The following CTPS2 variants were observed in gnomAD, a reference collection of about 807,000 sequenced individuals.
The protein encoded by CTPS2 is CTP synthase II.
CTPS2 carries 19 observed loss-of-function variants against 46.8 expected under a neutral mutation model. The observed-to-expected ratio is 0.41, with a 90% CI of 0.28 to 0.60. The LOEUF (loss-of-function observed/expected upper bound fraction) is 0.60. CTPS2 is among the 20% of genes least tolerant of loss of function. The pLI is 0.35. For synonymous variants in CTPS2, 151 were observed against 165.2 expected (o/e 0.91, Z 0.66); for missense variants, 286 against 447.6 (o/e 0.64, Z 3.26).
chrX:16,696,954 C>T (rs751005566), intron 4 of CTPS2, among the ~76,000 whole-genome samples: 49 of 110,727 alleles, frequency 4.4e-4, no homozygotes, highest in Admixed American at 3.9e-3. Flanking sequence ...CAAATGAGGA[C>T]GTTGAAACTG....
At chrX:16,593,043 T>A (rs1928995076) in intron 17 of CTPS2, among the ~76,000 whole-genome samples, 1 of 111,586 alleles carries the variant, frequency 9.0e-6, no homozygotes, top group Non-Finnish European at 1.9e-5. Context: ...ACTAGAGTTC[T>A]ACTGATCTAT....
At chrX:16,652,053 A>G (rs2147265566) in intron 13 of CTPS2, among the ~76,000 whole-genome samples, 1 of 111,176 alleles carries the variant, frequency 9.0e-6, no homozygotes, top group East Asian at 2.8e-4. Flanking sequence ...TACCAAGGAA[A>G]TATCCAGGAT....
intron 9 of CTPS2, 122 bp from the exon 10 acceptor site, chrX:16,678,572 G>A (rs1002665684): frequency 4.3e-6 from 2 of 465,986 alleles, no homozygotes; most frequent in Non-Finnish European, 3.7e-6. Flanking sequence ...ACTGTACTGG[G>A]CACTAGGGAT....
intron 14 of CTPS2, among the ~76,000 whole-genome samples, chrX:16,627,572 C>G (rs1419910598): frequency 9.0e-6 from 1 of 111,473 alleles, no homozygotes; most frequent in Non-Finnish European, 1.9e-5. Flanking sequence ...GCCACAGTCC[C>G]TACCACTCCT....
chrX:16,678,992 G>C lies in CTPS2; in HGVS notation c.1006-542C>G, dbSNP rs746516380. Among the ~76,000 whole-genome samples the C allele has an allele frequency of 9.9e-5, 11 of 111,368 alleles. No individual in the cohort carries two copies. The East Asian group carries it at 3.1e-3, about 31-fold the overall frequency. ...ATGTTCAAGAAGCCAGCCGAGAGGA[G>C]AGCAGAAGCAAGATAAGCACGTGTG... On this transcript the variant is annotated intron_variant, in intron 9 of 18. Coordinates refer to ENST00000359276, the MANE Select transcript of CTPS2 (RefSeq NM_175859.3).
At chrX:16,708,720 C>T (rs985785227) in intron 1 of CTPS2, among the ~76,000 whole-genome samples, 4 of 111,467 alleles carry the variant, frequency 3.6e-5, no homozygotes, top group Non-Finnish European at 7.5e-5. Flanking sequence ...ATACCTTATT[C>T]TGGCACTGTT....
chrX:16,708,668 C>G (rs1925203197), intron 1 of CTPS2, among the ~76,000 whole-genome samples: 1 of 111,130 alleles, frequency 9.0e-6, no homozygotes, highest in Non-Finnish European at 1.9e-5. Context: ...TGGACTTCAC[C>G]TTTCCTGCAG....
At chrX:16,671,564 G>T (rs13440755) in intron 10 of CTPS2, among the ~76,000 whole-genome samples, 10,598 of 94,749 alleles carry the variant, frequency 0.11, 1,027 homozygotes, top group African/African-American at 0.29. Context: ...ACCCTGCCTG[G>T]AGTGCAGTGG....
At chrX:16,600,356 C>T (rs1273898471) in intron 17 of CTPS2, among the ~76,000 whole-genome samples, 1 of 111,943 alleles carries the variant, frequency 8.9e-6, no homozygotes, top group Non-Finnish European at 1.9e-5. Context: ...ATATTAAAAT[C>T]CGTTTCCTGT....
chrX:16,647,776 T>C (rs1461418673), intron 13 of CTPS2, among the ~76,000 whole-genome samples: 1 of 111,476 alleles, frequency 9.0e-6, no homozygotes, highest in African/African-American at 3.3e-5. Flanking sequence ...GTTATTAAAA[T>C]CATTTCTTCA....
chrX:16,595,325 T>C (rs1929176907), intron 17 of CTPS2, among the ~76,000 whole-genome samples: 1 of 111,783 alleles, frequency 8.9e-6, no homozygotes, highest in African/African-American at 3.3e-5. Context: ...AATTTATTTA[T>C]TTAAGATAGT....
intron 17 of CTPS2, among the ~76,000 whole-genome samples, chrX:16,598,436 C>G (rs1432690142): frequency 4.7e-5 from 5 of 107,169 alleles, no homozygotes; most frequent in African/African-American, 1.3e-4. Context: ...ACACCTCTAC[C>G]CAAATAAACT....
chrX:16,684,069 A>G (rs1000808386), intron 8 of CTPS2, among the ~76,000 whole-genome samples: 1 of 112,177 alleles, frequency 8.9e-6, no homozygotes, highest in Non-Finnish European at 1.9e-5. Context: ...CTGTTCAAAG[A>G]ACATGAAAAA....
intron 16 of CTPS2, among the ~76,000 whole-genome samples, chrX:16,612,912 T>C (rs1226500117): frequency 1.8e-5 from 2 of 111,929 alleles, no homozygotes; most frequent in African/African-American, 6.5e-5. Context: ...GTATGCAAAG[T>C]CCCTAGCAAG....
At chrX:16,682,247 G>A (rs1277759149) in intron 9 of CTPS2, among the ~76,000 whole-genome samples, 1 of 112,214 alleles carries the variant, frequency 8.9e-6, no homozygotes, top group Non-Finnish European at 1.9e-5. Flanking sequence ...CACTTTGAGA[G>A]GCCAAGACGG....
intron 10 of CTPS2, among the ~76,000 whole-genome samples, chrX:16,674,605 A>G (rs184388967): frequency 0.031 from 3,325 of 105,907 alleles, 156 homozygotes; most frequent in African/African-American, 0.11. Context: ...TTGGGAGGCC[A>G]AGGTGGGCAG....
At chrX:16,700,385 G>A (rs1924461835) in intron 2 of CTPS2, among the ~76,000 whole-genome samples, 1 of 108,586 alleles carries the variant, frequency 9.2e-6, no homozygotes. Context: ...CCAAAATGCT[G>A]CGATTACAGG....
rs1011670918 is a variant in CTPS2 at position 16,640,180 on chromosome X, A to G, written c.1297-937T>C. On this transcript the variant is annotated intron_variant, in intron 13 of 18. Transcript: ENST00000359276. The stretch of plus-strand genomic sequence containing the variant: ...TGGTATCAGGCCAGCCTAACCGTCC[A>G]GCCTTATCTTATATTCCCTGCCCCT... Among the ~76,000 whole-genome samples the G allele has an allele frequency of 2.7e-5, 3 of 111,479 alleles. No individual in the cohort carries two copies. In the South Asian group the frequency reaches 1.1e-3, roughly 42 times the overall value.
At chrX:16,614,412 A>G (rs2147193290) in intron 16 of CTPS2, among the ~76,000 whole-genome samples, 1 of 112,924 alleles carries the variant, frequency 8.9e-6, no homozygotes, top group Admixed American at 9.4e-5. Flanking sequence ...GTGGCAACAC[A>G]ACATCCAAAT....
Sources: gnomAD v4.1 joint callset for allele counts (sites outside exome capture counted in the v4.1 genomes callset) on GRCh38, gnomAD v4.1.1 for gene constraint, MANE v1.5 for transcripts, NCBI Gene and HGNC (gene_info 2026-07-23, HGNC 2026-07-21) for gene names.